The following GEMIN5 variants were observed in gnomAD, a reference collection of about 807,000 sequenced individuals.
The protein encoded by GEMIN5 is gem nuclear organelle associated protein 5, also known as gem-associated protein 5.
In GEMIN5, 124 loss-of-function variants were observed where a neutral mutation model predicts 176.9. The ratio of observed to expected loss-of-function variants is 0.70; its 90% confidence interval spans 0.61 to 0.81. GEMIN5 has a LOEUF of 0.81. Among genes scored for constraint, GEMIN5 ranks in the 40% least tolerant of loss-of-function variants. GEMIN5 has a pLI of 0.00. For synonymous variants in GEMIN5, 673 were observed against 665.2 expected (o/e 1.01, Z -0.18); for missense variants, 1,843 against 1,814.6 (o/e 1.02, Z -0.28).
chr5:154,908,010 T>C (rs1312479165), intron 15 of GEMIN5, among the ~76,000 whole-genome samples, 192 bp from the exon 16 acceptor site: 1 of 152,054 alleles, frequency 6.6e-6, no homozygotes, highest in Non-Finnish European at 1.5e-5. Context: ...ATCATAAACA[T>C]GATGCCCAAT....
chr5:154,918,579 C>G (rs1178428052), intron 11 of GEMIN5, among the ~76,000 whole-genome samples: 1 of 152,138 alleles, frequency 6.6e-6, no homozygotes, highest in Non-Finnish European at 1.5e-5. Flanking sequence ...ATTCAAGTGC[C>G]AATAAATTAG....
rs745811886 is a variant in GEMIN5 at position 154,928,672 on chromosome 5, A to G, written c.782-13T>C. 1 of 1,612,796 alleles carries G rather than the reference A, an allele frequency of 6.2e-7. No homozygotes were observed. The highest frequency in any genetic ancestry group is 2.2e-5 in the East Asian group (1 of 44,872). ...AAAATCATCACCCCTGCAGATTAAAAAGAAGGCCAGTGGGCACTCAAGACA... is the reference window on the plus strand; with the variant it reads ...AAAATCATCACCCCTGCAGATTAAAGAGAAGGCCAGTGGGCACTCAAGACA... On this transcript the variant is annotated splice_polypyrimidine_tract_variant and intron_variant, in intron 5 of 27. Transcript: ENST00000285873.
chr5:154,907,966 C>T, intron 15 of GEMIN5, 148 bp from the exon 16 acceptor site: 1 of 629,902 alleles, frequency 1.6e-6, no homozygotes, highest in Non-Finnish European at 2.8e-6. Context: ...TATATTATCA[C>T]AATATTAACC....
At chr5:154,920,754 G>A (rs1763905819) in intron 10 of GEMIN5, among the ~76,000 whole-genome samples, 1 of 152,130 alleles carries the variant, frequency 6.6e-6, no homozygotes, top group African/African-American at 2.4e-5. Context: ...ATTTACAGAT[G>A]TTTCATCATA....
chr5:154,889,755 T>C (rs1463645890), intron 26 of GEMIN5, among the ~76,000 whole-genome samples: 1 of 152,236 alleles, frequency 6.6e-6, no homozygotes, highest in African/African-American at 2.4e-5. Context: ...TGGAGTCATA[T>C]AGTATATGTC....
At chr5:154,937,897 AGTC>A in intron 1 of GEMIN5, 68 bp downstream of exon 1, 3 of 1,323,458 alleles carry the variant, frequency 2.3e-6, no homozygotes, top group Non-Finnish European at 3.0e-6. Flanking sequence ...AACGGGGTGG[AGTC>A]GTCCACTCGG....
At chr5:154,920,212 A>G (rs1410394602) in intron 10 of GEMIN5, 109 bp from the exon 11 acceptor site, 3 of 758,062 alleles carry the variant, frequency 4.0e-6, no homozygotes, top group Non-Finnish European at 6.1e-6. Flanking sequence ...AAAGAACTAT[A>G]TATTTGAAAC....
At chr5:154,892,765 G>A (rs962296314) in intron 24 of GEMIN5, 2 of 526,352 alleles carry the variant, frequency 3.8e-6, no homozygotes, top group Non-Finnish European at 6.7e-6. Flanking sequence ...GTTAAAGTCT[G>A]TTCACACTGA....
intron 14 of GEMIN5, among the ~76,000 whole-genome samples, chr5:154,912,447 T>C (rs2113483720): frequency 6.6e-6 from 1 of 152,384 alleles, no homozygotes; most frequent in Non-Finnish European, 1.5e-5. Flanking sequence ...CAGCTCTAGT[T>C]CTGATATCCA....
Position 154,888,223 on chromosome 5 carries a change from G to T in GEMIN5, c.4514C>A (p.Thr1505Asn), listed in dbSNP as rs372623023. 1 of 1,614,002 alleles carries T rather than the reference G, an allele frequency of 6.2e-7. No individual in the cohort carries two copies. The change falls in exon 28 of 28, where the codon ACC (threonine) becomes AAC (asparagine). Residue 1505 changes from threonine to asparagine, a missense_variant. Transcript: ENST00000285873. ...GTGTGTGAAAATTCACATACAGAAGGTCTGGCAGTGTCTTCTGTAAGTTTT... is the reference window on the plus strand; with the variant it reads ...GTGTGTGAAAATTCACATACAGAAGTTCTGGCAGTGTCTTCTGTAAGTTTT... ...NTKTYRRHCQ[T>N]FCM
chr5:154,908,109 G>A (rs1281779118), intron 15 of GEMIN5, among the ~76,000 whole-genome samples: 2 of 146,722 alleles, frequency 1.4e-5, no homozygotes, highest in Admixed American at 6.9e-5. Flanking sequence ...AAATTAACAC[G>A]ATTCACTACT....
At chr5:154,931,384 A>G in intron 5 of GEMIN5, 74 bp downstream of exon 5, 1 of 1,444,990 alleles carries the variant, frequency 6.9e-7, no homozygotes, top group Admixed American at 2.1e-5. Context: ...CACCCTCAGG[A>G]CAATAAGAAC....
chr5:154,888,512 G>A, intron 27 of GEMIN5, 135 bp from the exon 28 acceptor site: 3 of 652,828 alleles, frequency 4.6e-6, no homozygotes, highest in East Asian at 2.8e-5. Flanking sequence ...GTCTCCTAAG[G>A]CAATGTCCTG....
intron 5 of GEMIN5, among the ~76,000 whole-genome samples, chr5:154,930,675 T>C (rs1235406521): frequency 6.6e-6 from 1 of 152,186 alleles, no homozygotes; most frequent in Non-Finnish European, 1.5e-5. Context: ...GAATGATGGT[T>C]GCCAGGGCCT....
intron 20 of GEMIN5, among the ~76,000 whole-genome samples, chr5:154,902,108 C>CT (rs946131345): frequency 7.1e-4 from 104 of 145,700 alleles, no homozygotes; most frequent in Middle Eastern, 3.5e-3. Flanking sequence ...CACACCCAGC[C>CT]TTTTTTTTTT....
At chr5:154,931,301 G>A (rs560671544) in intron 5 of GEMIN5, among the ~76,000 whole-genome samples, 157 bp downstream of exon 5, 2 of 152,360 alleles carry the variant, frequency 1.3e-5, no homozygotes, top group East Asian at 3.9e-4. Flanking sequence ...AGAATAGAGA[G>A]TCTAGGCCAG....
chr5:154,915,686 C>T (rs1187212071), intron 13 of GEMIN5, among the ~76,000 whole-genome samples: 1 of 152,144 alleles, frequency 6.6e-6, no homozygotes, highest in East Asian at 1.9e-4. Context: ...ATGAGGATAA[C>T]GTTACCTATC....
intron 18 of GEMIN5, among the ~76,000 whole-genome samples, 174 bp downstream of exon 18, chr5:154,904,333 T>C (rs1763526649): frequency 6.6e-6 from 1 of 152,120 alleles, no homozygotes; most frequent in Non-Finnish European, 1.5e-5. Context: ...ATGGGGAGTT[T>C]GGCAGCAAGG....
intron 27 of GEMIN5, among the ~76,000 whole-genome samples, chr5:154,888,981 A>G (rs1250860483): frequency 6.6e-6 from 1 of 151,576 alleles, no homozygotes; most frequent in Non-Finnish European, 1.5e-5. Context: ...CCTCCATGCT[A>G]TTCTCCTGCC....
Sources: allele counts gnomAD v4.1 joint callset (sites outside exome capture counted in the v4.1 genomes callset), GRCh38; gene constraint gnomAD v4.1.1; transcripts MANE v1.5; gene names NCBI Gene and HGNC (gene_info 2026-07-23, HGNC 2026-07-21).